ABCA13: variants seen among roughly 807,000 people sequenced by gnomAD.
ABCA13 encodes ATP-binding cassette sub-family A member 13.
Under a neutral mutation model 478.7 loss-of-function variants are expected in ABCA13, and 476 were observed. The ratio of observed to expected loss-of-function variants is 0.99; its 90% CI spans 0.92 to 1.07. The LOEUF is 1.07. Among genes scored for constraint, ABCA13 ranks in the 50% least tolerant of loss-of-function variants. The pLI, the probability that ABCA13 is intolerant of heterozygous loss-of-function variation, is 0.00. For synonymous variants in ABCA13, 2,252 were observed against 2,158.9 expected, an observed-to-expected ratio of 1.04 and a Z score of -1.20; for missense variants, 6,060 against 5,910.6, an observed-to-expected ratio of 1.03 and a Z score of -0.83.
intron 16 of ABCA13, 95 bp from the exon 17 acceptor site, chr7:48,271,692 T>A: frequency 1.4e-6 from 1 of 732,518 alleles, no homozygotes; most frequent in South Asian, 6.1e-5. Context: ...GTTTCATTTG[T>A]GTTTTACTAT....
intron 27 of ABCA13, among the ~76,000 whole-genome samples, chr7:48,330,082 CATCCATCT>C (rs1240229537): frequency 4.8e-5 from 7 of 146,000 alleles, no homozygotes; most frequent in Middle Eastern, 4.0e-3. Flanking sequence ...TCCATTCATC[CATCCATCT>C]ATCCATCCAT....
chr7:48,414,265 T>C (rs6955839), intron 41 of ABCA13, among the ~76,000 whole-genome samples: 29,590 of 151,988 alleles, frequency 0.19, 3,264 homozygotes, highest in East Asian at 0.23. Context: ...TTCCGTGTTC[T>C]CCCCACCCGC....
At chr7:48,203,875 C>T (rs879109649) in intron 3 of ABCA13, among the ~76,000 whole-genome samples, 1 of 152,328 alleles carries the variant, frequency 6.6e-6, no homozygotes, top group African/African-American at 2.4e-5. Flanking sequence ...GGTGACCTTT[C>T]ATTTCCAGTT....
At position 48,524,377 on chromosome 7, in the gene ABCA13, T is replaced by C. The variant is rs773174140; in HGVS notation, c.14181T>C (p.Tyr4727=). The change falls in exon 54 of 62, where the codon TAT becomes TAC. Residue 4727 remains tyrosine, a synonymous_variant. Coordinates refer to ENST00000435803, the MANE Select transcript of ABCA13 (RefSeq NM_152701.5). The part of the protein sequence containing the change: ...ILVLYNLSKH[Y]RRFFQNIIAV... The stretch of plus-strand genomic sequence containing the variant: ...TGTTATACAACCTTAGTAAACATTA[T>C]CGACGCTTTTTCCAGAATATTATTG... 1 of 1,613,240 alleles carries C rather than the reference T, an allele frequency of 6.2e-7. No individual in the cohort carries two copies. The highest frequency in any genetic ancestry group is 1.1e-5 in the South Asian group (1 of 90,970).
chr7:48,542,631 T>A (rs1224823747), intron 55 of ABCA13, among the ~76,000 whole-genome samples: 9 of 151,574 alleles, frequency 5.9e-5, no homozygotes, highest in Admixed American at 5.9e-4. Context: ...GAAGGAAATA[T>A]GGTCAACCTA....
At chr7:48,371,646 G>C in intron 32 of ABCA13, among the ~76,000 whole-genome samples, 1 of 152,292 alleles carries the variant, frequency 6.6e-6, no homozygotes, top group South Asian at 2.1e-4. Context: ...TTTGTAACCT[G>C]AGACTTGGCT....
At chr7:48,269,137 C>A in intron 16 of ABCA13, 43 bp downstream of exon 16, 1 of 1,117,418 alleles carries the variant, frequency 8.9e-7, no homozygotes, top group Non-Finnish European at 1.3e-6. Flanking sequence ...ATTTAATTAT[C>A]ATCTGAAGAT....
chr7:48,598,956 C>T (rs866723629), intron 58 of ABCA13, among the ~76,000 whole-genome samples: 5 of 152,148 alleles, frequency 3.3e-5, no homozygotes, highest in Admixed American at 6.5e-5. Context: ...TTTTATCCCA[C>T]TGAATTGTCA....
chr7:48,211,183 G>T (rs1252583901), intron 3 of ABCA13, among the ~76,000 whole-genome samples: 1 of 152,208 alleles, frequency 6.6e-6, no homozygotes, highest in South Asian at 2.1e-4. Flanking sequence ...TTCATTAATG[G>T]CTGAGCATTG....
intron 59 of ABCA13, among the ~76,000 whole-genome samples, chr7:48,636,076 C>T (rs1174135350): frequency 2.0e-5 from 3 of 152,042 alleles, no homozygotes; most frequent in Non-Finnish European, 4.4e-5. Flanking sequence ...GAGTCTAGTT[C>T]TATTGTTTTT....
intron 31 of ABCA13, among the ~76,000 whole-genome samples, chr7:48,360,601 C>A (rs1342689728): frequency 6.6e-6 from 1 of 151,890 alleles, no homozygotes; most frequent in Non-Finnish European, 1.5e-5. Flanking sequence ...GAAAATAATT[C>A]ACACTTAATA....
intron 1 of ABCA13, among the ~76,000 whole-genome samples, chr7:48,183,552 T>C (rs918705981): frequency 4.6e-5 from 7 of 152,220 alleles, no homozygotes; most frequent in African/African-American, 1.7e-4. Context: ...TACTTAAGGA[T>C]AGGGCTTGGT....
chr7:48,518,907 A>T (rs1186757119), intron 52 of ABCA13, among the ~76,000 whole-genome samples: 2 of 152,056 alleles, frequency 1.3e-5, no homozygotes, highest in African/African-American at 2.4e-5. Context: ...CTCTCAACCC[A>T]TCACCTAGGT....
At chr7:48,505,432 T>C (rs1421495108) in intron 48 of ABCA13, among the ~76,000 whole-genome samples, 1 of 152,130 alleles carries the variant, frequency 6.6e-6, no homozygotes, top group Non-Finnish European at 1.5e-5. Flanking sequence ...ACCGATAAGA[T>C]GAATTAAAAT....
rs565990182 is a variant in ABCA13 at position 48,314,381 on chromosome 7, A to G, written c.9831A>G (p.Lys3277=). Residue 3277 remains lysine (K), a synonymous_variant, in exon 26 of 62, where the codon AAA becomes AAG. Transcript: ENST00000435803. The part of the protein sequence containing the change: ...PRVKELLEDD[K]EKFNIPEDST... ...TTAAGGAACTCTTGGAAGATGACAAAGAAAAATTCAACATTCCTGAAGATT... is the reference window on the plus strand; with the variant it reads ...TTAAGGAACTCTTGGAAGATGACAAGGAAAAATTCAACATTCCTGAAGATT... 5.0e-6 allele frequency: 8 copies of G among 1,600,424 alleles called. No individual in the cohort carries two copies. The highest frequency in any genetic ancestry group is 1.3e-5 in the African/African-American group (1 of 74,690).
At chr7:48,477,122 TG>T (rs762090817) in intron 45 of ABCA13, among the ~76,000 whole-genome samples, 2 of 151,852 alleles carry the variant, frequency 1.3e-5, no homozygotes, top group South Asian at 4.2e-4. Context: ...GATATTTTGG[TG>T]GGGGGGCGGT....
intron 7 of ABCA13, 93 bp downstream of exon 7, chr7:48,230,048 T>A: frequency 7.4e-7 from 1 of 1,358,412 alleles, no homozygotes; most frequent in Non-Finnish European, 9.8e-7. Flanking sequence ...ATGTTCAAAA[T>A]GATTTAATTA....
chr7:48,398,532 T>C (rs1380880314), intron 38 of ABCA13, among the ~76,000 whole-genome samples: 1 of 152,168 alleles, frequency 6.6e-6, no homozygotes, highest in Non-Finnish European at 1.5e-5. Context: ...TTCATTAAAA[T>C]GTGACTTCAA....
chr7:48,178,365 T>C (rs933859790), intron 1 of ABCA13, among the ~76,000 whole-genome samples: 1 of 152,158 alleles, frequency 6.6e-6, no homozygotes, highest in African/African-American at 2.4e-5. Flanking sequence ...CCTGCATCAT[T>C]GCCTGAGTTT....
Sources: gnomAD v4.1 joint callset for allele counts (sites outside exome capture counted in the v4.1 genomes callset) on GRCh38, gnomAD v4.1.1 for gene constraint, MANE v1.5 for transcripts, NCBI Gene and HGNC (gene_info 2026-07-23, HGNC 2026-07-21) for gene names.